Variants in PCNT observed in about 807,000 individuals in gnomAD.
PCNT encodes kendrin.
In PCNT, 319 loss-of-function variants were observed where a neutral mutation model predicts 380.4. The ratio of observed to expected loss-of-function variants is 0.84; its 90% CI spans 0.77 to 0.92. The LOEUF (loss-of-function observed/expected upper bound fraction) is 0.92, where lower values mean the gene tolerates loss of function less well. Ranked by LOEUF, PCNT falls within the 40% of genes least tolerant of loss-of-function variation. The pLI, the probability that PCNT is intolerant of heterozygous loss-of-function variation, is 0.00. For synonymous variants in PCNT, 1,845 were observed against 1,735.2 expected (o/e 1.06, Z -1.57); for missense variants, 4,400 against 4,255.3 (o/e 1.03, Z -0.95).
chr21:46,381,992 G>T, intron 16 of PCNT, 152 bp downstream of exon 16: 1 of 779,098 alleles, frequency 1.3e-6, no homozygotes, highest in Admixed American at 2.4e-5. Context: ...CGCATTCACA[G>T]TGTTGTAGAT....
intron 44 of PCNT, chr21:46,443,004 C>G (rs2053652123): frequency 3.9e-6 from 1 of 257,240 alleles, no homozygotes; most frequent in African/African-American, 2.3e-5. Context: ...GCTGGCTGCA[C>G]TAGTGCTGAA....
At chr21:46,346,269 G>GGGGGC in intron 4 of PCNT, 61 bp downstream of exon 4, 2 of 964,196 alleles carry the variant, frequency 2.1e-6, no homozygotes, top group East Asian at 2.6e-5. Flanking sequence ...ACAGGGCACA[G>GGGGGC]TGGGCATCCG....
At chr21:46,399,947 A>T (rs897266689) in intron 25 of PCNT, 151 bp downstream of exon 25, 1 of 765,426 alleles carries the variant, frequency 1.3e-6, no homozygotes, top group African/African-American at 1.7e-5. Flanking sequence ...GGAGAAACAG[A>T]AGTCATTGGT....
rs763901120 is a variant in PCNT at position 46,397,324 on chromosome 21, G to A, written c.4276G>A (p.Glu1426Lys). 8 of 1,614,008 alleles carry A rather than the reference G, an allele frequency of 5.0e-6. No homozygotes were observed. The highest frequency in any genetic ancestry group is 1.7e-5 in the Admixed American group (1 of 60,008). Residue 1426 changes from glutamate to lysine, a missense_variant, in exon 22 of 47, where the codon GAG (glutamate) becomes AAG (lysine). Transcript: ENST00000359568. Reference protein sequence around the residue: ...KEQSETRKQAEKDRSALLSQM... With the variant: ...KEQSETRKQAKKDRSALLSQM... ...ACAGTCGGAGACCAGGAAGCAGGCT[G>A]AGAAGGACCGCTCAGCCCTGCTCTC...
rs1450771556 is a variant in PCNT, at chr21:46,382,229, C to G, written c.3312+389C>G. Reference sequence around the variant, plus strand: ...GTGGCGGAAGCGCATTCATAGTGTTCTGCATTCAGTGGCGGAAGCCCATTC... The same window carrying G: ...GTGGCGGAAGCGCATTCATAGTGTTGTGCATTCAGTGGCGGAAGCCCATTC... On this transcript the variant is annotated intron_variant, in intron 16 of 46. Transcript: ENST00000359568. Among the ~76,000 whole-genome samples the G allele has an allele frequency of 4.6e-4, 56 of 122,850 alleles. 1 individual carries two copies. The highest frequency in any genetic ancestry group is 1.6e-3 in the African/African-American group (52 of 32,382). 80.6% of individuals were successfully genotyped at this position (122,850 alleles called of 152,430 possible). A position where few individuals can be genotyped will look rare whatever the true frequency, so the allele number is the denominator to read the frequency against.
At chr21:46,442,657 A>C in intron 44 of PCNT, 84 bp downstream of exon 44, 1 of 885,134 alleles carries the variant, frequency 1.1e-6, no homozygotes, top group East Asian at 2.4e-5. Flanking sequence ...GTCATTTTTC[A>C]GTGTTGATGG....
At chr21:46,355,416 TCACTAA>T in intron 11 of PCNT, 30 bp from the exon 12 acceptor site, 1 of 1,608,550 alleles carries the variant, frequency 6.2e-7, no homozygotes, top group Non-Finnish European at 8.5e-7. Context: ...GTAGCTTGGC[TCACTAA>T]CGTGCTTGTC....
At chr21:46,412,181 C>T (rs2086811458) in intron 28 of PCNT, 114 bp downstream of exon 28, 2 of 1,255,706 alleles carry the variant, frequency 1.6e-6, no homozygotes, top group African/African-American at 3.0e-5. Flanking sequence ...GTCATGGTGG[C>T]TCATGACACA....
At chr21:46,426,031 C>A (rs1444750066) in intron 33 of PCNT, 60 bp downstream of exon 33, 24 of 1,497,436 alleles carry the variant, frequency 1.6e-5, no homozygotes, top group Non-Finnish European at 2.2e-5. Flanking sequence ...GTGGTAATGG[C>A]CGCGTCCTTA....
At chr21:46,396,720 C>T (rs904442932) in intron 21 of PCNT, among the ~76,000 whole-genome samples, 1 of 152,166 alleles carries the variant, frequency 6.6e-6, no homozygotes, top group African/African-American at 2.4e-5. Context: ...TCTCCTGCCT[C>T]AGCCTCCCGA....
At position 46,367,133 on chromosome 21, in the gene PCNT, G is replaced by A. The variant is rs769644252; in HGVS notation, c.3159G>A (p.Val1053=). The change falls in exon 15 of 47, where the codon GTG becomes GTA. Residue 1053 remains valine, a synonymous_variant. Coordinates refer to ENST00000359568, the MANE Select transcript of PCNT (RefSeq NM_006031.6). The stretch of plus-strand genomic sequence containing the variant: ...CCGTGGCTCACGAGCTGCAGGGAGT[G>A]CACCAGGTAAGGCGCCAGGGCCCTG... ...AGTVAHELQG[V]HQGEFGSEKK... 1 of 1,612,270 alleles carries A rather than the reference G, an allele frequency of 6.2e-7. No homozygotes were observed. The highest frequency in any genetic ancestry group is 8.5e-7 in the Non-Finnish European group (1 of 1,179,918).
chr21:46,363,474 C>CT lies in PCNT; in HGVS notation c.2155-5dup. 6.2e-7 allele frequency: 1 copy of CT among 1,603,916 alleles called. No individual in the cohort carries two copies. The highest frequency in any genetic ancestry group is 8.5e-7 in the Non-Finnish European group (1 of 1,171,196). On this transcript the variant is annotated splice_region_variant and splice_polypyrimidine_tract_variant and intron_variant, in intron 13 of 46. Transcript: ENST00000359568. The stretch of plus-strand genomic sequence containing the variant: ...TTCCTCCTAAATGAAATTATGTTGT[C>CT]TGTAGGTAAAACACAATCTAATTGA...
At position 46,436,109 on chromosome 21, in the gene PCNT, C is replaced by T. The variant is rs201069257; in HGVS notation, c.8957C>T (p.Ala2986Val). ...EAMRQRLLSA[A>V]RLLTSFTSQA... ...ATGAGGCAGCGGCTGCTCTCTGCCG[C>T]CCGGCTTCTCACCAGCTTCACCAGC... is the stretch of plus-strand genomic sequence containing the variant. The change falls in exon 39 of 47, where the codon GCC (alanine) becomes GTC (valine). Residue 2986 changes from alanine (A) to valine (V), a missense_variant. By Grantham distance (64) the Ala-to-Val change is moderately conservative. Transcript: ENST00000359568. 6.2e-6 allele frequency: 10 copies of T among 1,610,574 alleles called. No homozygotes were observed. In the African/African-American group the frequency reaches 1.3e-4, roughly 21 times the overall value.
intron 15 of PCNT, among the ~76,000 whole-genome samples, chr21:46,367,720 T>C (rs1233217939): frequency 2.0e-5 from 3 of 152,180 alleles, no homozygotes; most frequent in Non-Finnish European, 4.4e-5. Context: ...GGGGATTTTG[T>C]GGGCTTTGGA....
intron 5 of PCNT, 58 bp downstream of exon 5, chr21:46,347,056 G>C: frequency 6.4e-7 from 1 of 1,559,094 alleles, no homozygotes; most frequent in South Asian, 1.2e-5. Context: ...GCATTCTAGT[G>C]CCTGTTCCCT....
intron 16 of PCNT, 148 bp downstream of exon 16, chr21:46,381,988 C>A: frequency 1.2e-6 from 1 of 809,882 alleles, no homozygotes; most frequent in East Asian, 3.1e-5. Flanking sequence ...GAAGCGCATT[C>A]ACAGTGTTGT....
At chr21:46,337,235 C>G (rs1252420928) in intron 3 of PCNT, among the ~76,000 whole-genome samples, 2 of 152,154 alleles carry the variant, frequency 1.3e-5, no homozygotes, top group African/African-American at 2.4e-5. Flanking sequence ...CCTCAACCCC[C>G]CAAAGTGCTG....
chr21:46,373,183 G>T (rs979625707), intron 15 of PCNT, among the ~76,000 whole-genome samples: 1 of 151,394 alleles, frequency 6.6e-6, no homozygotes, highest in Non-Finnish European at 1.5e-5. Context: ...ACCATGCCTG[G>T]CTAATTTATT....
Position 46,388,920 on chromosome 21 carries a change from T to C in PCNT, c.3607+36T>C, listed in dbSNP as rs1296663360. On this transcript the variant is annotated intron_variant, in intron 18 of 46. Coordinates refer to ENST00000359568, the MANE Select transcript of PCNT (RefSeq NM_006031.6). The surrounding 1 kb of genome is among the most constrained non-coding windows in gnomAD (Gnocchi z 4.2). ...CGGGACCAGCTGCCCAGCCCTGTGC[T>C]TGCAGCCCCTCTGTGGTCCTGGAGC... is the stretch of plus-strand genomic sequence containing the variant. The C allele has an allele frequency of 6.4e-6, 10 of 1,562,576 alleles. No individual in the cohort carries two copies. Among genetic ancestry groups the C allele is most frequent in the Non-Finnish European group, 7.8e-6 (9 of 1,160,266 alleles).
Sources: allele counts gnomAD v4.1 joint callset (sites outside exome capture counted in the v4.1 genomes callset), GRCh38; gene constraint gnomAD v4.1.1; non-coding constraint Gnocchi (gnomAD v3.1); transcripts MANE v1.5; gene names NCBI Gene and HGNC (gene_info 2026-07-23, HGNC 2026-07-21).